ANXA6: variants seen among roughly 807,000 people sequenced by gnomAD.
The protein encoded by ANXA6 is annexin A6.
In ANXA6, 71 loss-of-function variants were observed where a neutral mutation model predicts 95.4. That is an observed-to-expected ratio of 0.74 (90% CI 0.61 to 0.91). ANXA6 has a LOEUF of 0.91. ANXA6 is among the 40% of genes least tolerant of loss of function. The pLI is 0.00. For missense variants in ANXA6, 830 were observed against 876.4 expected (o/e 0.95, Z 0.67); for synonymous variants, 289 against 315.9 (o/e 0.91, Z 0.90).
At chr5:151,113,938 A>T (rs1764922371) in intron 20 of ANXA6, among the ~76,000 whole-genome samples, 1 of 152,250 alleles carries the variant, frequency 6.6e-6, no homozygotes, top group Non-Finnish European at 1.5e-5. Context: ...AGGGAGTACC[A>T]ACATGCTACA....
chr5:151,124,339 T>C lies in ANXA6; in HGVS notation c.1085A>G (p.Asp362Gly). 6.2e-7 allele frequency: 1 copy of C among 1,613,044 alleles called. No homozygotes were observed. The change falls in exon 15 of 26, where the codon GAC becomes GGC. Residue 362 changes from aspartate to glycine, a missense_variant. Transcript: ENST00000354546. The stretch of plus-strand genomic sequence containing the variant: ...TTTGGCATCTGCGTCAGGGTTGAAG[T>C]CATTGGCTGGGCGCACAGTTCCCTT... ...ELKGTVRPAN[D>G]FNPDADAKAL...
At chr5:151,137,888 A>C (rs1362045911) in intron 5 of ANXA6, among the ~76,000 whole-genome samples, 1 of 152,214 alleles carries the variant, frequency 6.6e-6, no homozygotes, top group Admixed American at 6.5e-5. Flanking sequence ...CGATGTGAGA[A>C]TGGACTAAAA....
At chr5:151,131,453 C>G (rs1430533085) in intron 10 of ANXA6, among the ~76,000 whole-genome samples, 164 bp from the exon 11 acceptor site, 1 of 152,206 alleles carries the variant, frequency 6.6e-6, no homozygotes, top group Non-Finnish European at 1.5e-5. Context: ...CAGACCAACC[C>G]ACTTTTACCG....
In ANXA6 at chr5:151,110,657, A is replaced by T. The variant is rs1173705878; in HGVS notation, c.1573-13T>A. Reference sequence around the variant, plus strand: ...TCTCAGCAGCCACCTGAGAGCAGGGAGGGGAGAGAGGAGGGAGAGAAGGGA... The same window carrying T: ...TCTCAGCAGCCACCTGAGAGCAGGGTGGGGAGAGAGGAGGGAGAGAAGGGA... On this transcript the variant is annotated splice_polypyrimidine_tract_variant and intron_variant, in intron 20 of 25. Coordinates refer to ENST00000354546, the MANE Select transcript of ANXA6 (RefSeq NM_001155.5). The T allele has an allele frequency of 6.2e-7, 1 of 1,612,946 alleles. No homozygotes were observed. Among genetic ancestry groups the T allele is most frequent in the Admixed American group, 1.7e-5 (1 of 59,948 alleles).
intron 1 of ANXA6, among the ~76,000 whole-genome samples, chr5:151,151,857 C>T (rs1018736494): frequency 4.6e-5 from 7 of 152,220 alleles, no homozygotes; most frequent in African/African-American, 1.4e-4. Flanking sequence ...CCCAGGAACC[C>T]TGATTCTCTC....
intron 11 of ANXA6, among the ~76,000 whole-genome samples, chr5:151,130,923 TA>T (rs1252853472): frequency 7.2e-5 from 11 of 152,224 alleles, no homozygotes; most frequent in Admixed American, 1.3e-4. Flanking sequence ...ATACGCTGTA[TA>T]AAAACATTCT....
intron 20 of ANXA6, among the ~76,000 whole-genome samples, chr5:151,113,426 T>G (rs1764905506): frequency 6.6e-6 from 1 of 151,978 alleles, no homozygotes; most frequent in Admixed American, 6.6e-5. Context: ...TATAAAATGA[T>G]TAATATGGTA....
chr5:151,141,829 G>A (rs985744771), intron 2 of ANXA6: 2 of 617,308 alleles, frequency 3.2e-6, no homozygotes, highest in Admixed American at 6.3e-5. Flanking sequence ...CCCAGAGCAG[G>A]GCGCCTTGCA....
Position 151,113,056 on chromosome 5 carries a change from G to A in ANXA6, c.1573-2412C>T, listed in dbSNP as rs559886965. Among the ~76,000 whole-genome samples the A allele has an allele frequency of 1.1e-4, 17 of 152,300 alleles. 1 individual carries two copies. The highest frequency in any genetic ancestry group is 3.6e-4 in the African/African-American group (15 of 41,560). ...AAAACAGTTTTGGAGGTGGCTGGTG[G>A]TGACAGCTGCCCAACAATGTGAATG... On this transcript the variant is annotated intron_variant, in intron 20 of 25. Transcript: ENST00000354546.
intron 24 of ANXA6, among the ~76,000 whole-genome samples, chr5:151,104,642 A>T (rs1398467025): frequency 6.6e-6 from 1 of 152,204 alleles, no homozygotes; most frequent in Non-Finnish European, 1.5e-5. Context: ...TGAGGGTCTC[A>T]GGTTCCTTCC....
Position 151,136,259 on chromosome 5 carries a change from G to A in ANXA6, c.486C>T (p.Leu162=), listed in dbSNP as rs1765657915. Residue 162 remains leucine (L), a synonymous_variant, in exon 7 of 26, where the codon CTC becomes CTT. Coordinates refer to ENST00000354546, the MANE Select transcript of ANXA6 (RefSeq NM_001155.5). ...GHFQKMLVVL[L]QGTREEDDVV... Reference sequence around the variant, plus strand: ...AAAAAATAGGCTGTGAACCAACCTGGAGCAGGACCACAAGCATCTTCTGGA... The same window carrying A: ...AAAAAATAGGCTGTGAACCAACCTGAAGCAGGACCACAAGCATCTTCTGGA... 6.2e-7 allele frequency: 1 copy of A among 1,613,938 alleles called. No individual in the cohort carries two copies. Among genetic ancestry groups the A allele is most frequent in the East Asian group, 2.2e-5 (1 of 44,884 alleles).
chr5:151,127,859 G>A (rs1765370531), intron 13 of ANXA6, among the ~76,000 whole-genome samples: 1 of 152,158 alleles, frequency 6.6e-6, no homozygotes, highest in East Asian at 1.9e-4. Context: ...TGATGAAACC[G>A]AGAAATGGCT....
At chr5:151,138,530 G>C in intron 5 of ANXA6, 148 bp downstream of exon 5, 1 of 631,332 alleles carries the variant, frequency 1.6e-6, no homozygotes, top group Non-Finnish European at 2.9e-6. Context: ...GGATCGGGAT[G>C]CTCCTCTGGG....
chr5:151,120,681 T>G (rs1220743404), intron 17 of ANXA6, among the ~76,000 whole-genome samples: 1 of 151,826 alleles, frequency 6.6e-6, no homozygotes, highest in African/African-American at 2.4e-5. Flanking sequence ...ATCACACCAC[T>G]GCACTCCAGC....
At position 151,133,129 on chromosome 5, in the gene ANXA6, A is replaced by G. The variant is rs1198699712; in HGVS notation, c.605T>C (p.Ile202Thr). Residue 202 changes from isoleucine (I) to threonine (T), a missense_variant, in exon 9 of 26, where the codon ATC becomes ACC. By Grantham distance (89) the Ile-to-Thr change is moderately conservative. Transcript: ENST00000354546. ...ATGCTGCTTGCTGCGATTTCCCAAGATGTAAATGAACTGGGCTTCATCTGT... is the reference window on the plus strand; with the variant it reads ...ATGCTGCTTGCTGCGATTTCCCAAGGTGTAAATGAACTGGGCTTCATCTGT... ...WGTDEAQFIY[I>T]LGNRSKQHLR... 6.3e-7 allele frequency: 1 copy of G among 1,599,764 alleles called. No individual in the cohort carries two copies. The highest frequency in any genetic ancestry group is 8.5e-7 in the Non-Finnish European group (1 of 1,172,976).
chr5:151,105,321 G>C lies in ANXA6; in HGVS notation c.1781-18C>G. 6.2e-7 allele frequency: 1 copy of C among 1,613,472 alleles called. No individual in the cohort carries two copies. ...ACTTTGAACTGGTAGGAAGAGCAGAGAGATGCGGGGAACGTGGTCAGAGGC... is the reference window on the plus strand; with the variant it reads ...ACTTTGAACTGGTAGGAAGAGCAGACAGATGCGGGGAACGTGGTCAGAGGC... On this transcript the variant is annotated intron_variant, in intron 23 of 25. Transcript: ENST00000354546.
rs187248677 is a variant in ANXA6 at position 151,114,383 on chromosome 5, G to A, written c.1572+2744C>T. Among the ~76,000 whole-genome samples the A allele has an allele frequency of 3.4e-3, 520 of 152,000 alleles. 2 individuals carry two copies. Among genetic ancestry groups the A allele is most frequent in the African/African-American group, 0.011 (472 of 41,468 alleles). Reference sequence around the variant, plus strand: ...TCCTAGCACTTTGGGAGGCTGAGGCGGGCGGATCACTTGAGGTCAGGAGTT... The same window carrying A: ...TCCTAGCACTTTGGGAGGCTGAGGCAGGCGGATCACTTGAGGTCAGGAGTT... On this transcript the variant is annotated intron_variant, in intron 20 of 25. Transcript: ENST00000354546.
chr5:151,135,680 C>G (rs1765638126), intron 7 of ANXA6, among the ~76,000 whole-genome samples: 1 of 152,224 alleles, frequency 6.6e-6, no homozygotes, highest in Admixed American at 6.5e-5. Flanking sequence ...GTGCAGAATG[C>G]AGGTCTGCTG....
At chr5:151,146,148 T>A (rs1465586568) in intron 2 of ANXA6, among the ~76,000 whole-genome samples, 1 of 152,234 alleles carries the variant, frequency 6.6e-6, no homozygotes, top group Non-Finnish European at 1.5e-5. Context: ...GCAGAAGGCA[T>A]GGCCCAGGAG....
Sources: gnomAD v4.1 joint callset for allele counts (sites outside exome capture counted in the v4.1 genomes callset) on GRCh38, gnomAD v4.1.1 for gene constraint, MANE v1.5 for transcripts, NCBI Gene and HGNC (gene_info 2026-07-23, HGNC 2026-07-21) for gene names.